KCNIP4: variants seen among roughly 807,000 people sequenced by gnomAD.
KCNIP4 encodes the protein potassium voltage-gated channel interacting protein 4, also known as Kv channel-interacting protein 4.
KCNIP4 carries 12 observed loss-of-function variants against 34.0 expected under a neutral mutation model. The observed-to-expected ratio is 0.35, with a 90% CI of 0.23 to 0.57. The LOEUF is 0.57. Among genes scored for constraint, KCNIP4 ranks in the 20% least tolerant of loss-of-function variants. The pLI is 0.83. For missense variants in KCNIP4, 238 were observed against 311.7 expected, an observed-to-expected ratio of 0.76 and a Z score of 1.78; for synonymous variants, 124 against 102.2, an observed-to-expected ratio of 1.21 and a Z score of -1.29.
intron 1 of KCNIP4, among the ~76,000 whole-genome samples, chr4:20,951,968 T>C (rs997646612): frequency 1.3e-5 from 2 of 152,198 alleles, no homozygotes; most frequent in African/African-American, 2.4e-5. Context: ...AATAATAATA[T>C]ACGCTTTGCT....
In KCNIP4 at chr4:21,012,018, G is replaced by T. The variant is rs373603999; in HGVS notation, c.62-129309C>A. Among the ~76,000 whole-genome samples the T allele has an allele frequency of 1.9e-3, 287 of 152,300 alleles. 6 individuals carry two copies. In the South Asian group the frequency reaches 0.053, roughly 28 times the overall value. Reference sequence around the variant, plus strand: ...GAGTCTTTCACAAAGAGAAACAAAAGCATGATAAGAATGTGCTAAGCTAAT... The same window carrying T: ...GAGTCTTTCACAAAGAGAAACAAAATCATGATAAGAATGTGCTAAGCTAAT... On this transcript the variant is annotated intron_variant, in intron 1 of 8. Coordinates refer to ENST00000382152, the MANE Select transcript of KCNIP4 (RefSeq NM_025221.6).
At chr4:21,315,430 C>T (rs12504236) in intron 1 of KCNIP4, 5,670 of 152,206 alleles carry the variant, frequency 0.037, 211 homozygotes, top group South Asian at 0.13. Context: ...ACATATACAA[C>T]GCATGTGTTA....
intron 1 of KCNIP4, among the ~76,000 whole-genome samples, chr4:21,027,078 G>A (rs915785463): frequency 3.9e-5 from 6 of 152,222 alleles, no homozygotes; most frequent in African/African-American, 1.4e-4. Context: ...AATATCAACA[G>A]TGGGTGTGGA....
chr4:21,069,947 C>T (rs2108993604), intron 1 of KCNIP4, among the ~76,000 whole-genome samples: 1 of 152,194 alleles, frequency 6.6e-6, no homozygotes, highest in African/African-American at 2.4e-5. Context: ...AATATTCTAT[C>T]ACCACAAAGA....
In KCNIP4 at chr4:21,610,530, G is replaced by A. The variant is rs560774010; in HGVS notation, c.61+338041C>T. Among the ~76,000 whole-genome samples the A allele has an allele frequency of 2.6e-5, 4 of 152,148 alleles. No individual in the cohort carries two copies. The South Asian group carries it at 6.2e-4, about 24-fold the overall frequency. ...TATTATAATCTTTCTTTTTGTGAGG[G>A]AGGATGACACAATTTAGCCCATAAC... On this transcript the variant is annotated intron_variant, in intron 1 of 8. Coordinates refer to ENST00000382152, the MANE Select transcript of KCNIP4 (RefSeq NM_025221.6).
At chr4:20,848,880 T>C (rs1026797930) in intron 3 of KCNIP4, among the ~76,000 whole-genome samples, 1 of 152,216 alleles carries the variant, frequency 6.6e-6, no homozygotes, top group African/African-American at 2.4e-5. Flanking sequence ...TGAACACATT[T>C]GAAGTTTTAT....
intron 1 of KCNIP4, among the ~76,000 whole-genome samples, chr4:21,382,844 TTTA>T (rs1461722548): frequency 2.0e-5 from 3 of 152,204 alleles, no homozygotes; most frequent in Admixed American, 2.0e-4. Flanking sequence ...TTAGCACATA[TTTA>T]TTGAGTGCCC....
At chr4:21,737,263 C>T (rs1007966682) in intron 1 of KCNIP4, among the ~76,000 whole-genome samples, 2 of 152,068 alleles carry the variant, frequency 1.3e-5, no homozygotes, top group Non-Finnish European at 2.9e-5. Flanking sequence ...TCAAACCGTG[C>T]CTGAGAAATA....
chr4:21,604,104 TAGAG>T (rs1055903469), intron 1 of KCNIP4, among the ~76,000 whole-genome samples: 11 of 152,292 alleles, frequency 7.2e-5, no homozygotes, highest in African/African-American at 2.6e-4. Context: ...TTGATTAAGT[TAGAG>T]AGTTACCTCA....
chr4:21,124,858 T>G (rs894355180), intron 1 of KCNIP4, among the ~76,000 whole-genome samples: 1 of 152,114 alleles, frequency 6.6e-6, no homozygotes, highest in Admixed American at 6.6e-5. Context: ...CTCATCTACA[T>G]GATCTCAACT....
chr4:20,743,242 C>T (rs1372881031), intron 5 of KCNIP4, among the ~76,000 whole-genome samples: 1 of 152,274 alleles, frequency 6.6e-6, no homozygotes, highest in East Asian at 1.9e-4. Flanking sequence ...CTACCAATGA[C>T]TTTCTTCACA....
intron 1 of KCNIP4, among the ~76,000 whole-genome samples, chr4:21,556,090 C>T (rs1738980686): frequency 1.3e-5 from 2 of 152,130 alleles, no homozygotes; most frequent in Admixed American, 1.3e-4. Flanking sequence ...GTAAAGCCAA[C>T]AGCCTTTCGA....
intron 1 of KCNIP4, among the ~76,000 whole-genome samples, chr4:21,725,281 T>C (rs542021154): frequency 6.6e-6 from 1 of 152,290 alleles, no homozygotes; most frequent in South Asian, 2.1e-4. Flanking sequence ...AGACTTCCTG[T>C]CACAACATTC....
chr4:21,146,256 G>A (rs1752339003), intron 1 of KCNIP4, among the ~76,000 whole-genome samples: 1 of 152,104 alleles, frequency 6.6e-6, no homozygotes, highest in African/African-American at 2.4e-5. Context: ...AAATTAGCCA[G>A]GCGTGGTGGC....
chr4:21,038,302 G>A (rs1248706578), intron 1 of KCNIP4, among the ~76,000 whole-genome samples: 1 of 152,108 alleles, frequency 6.6e-6, no homozygotes, highest in Admixed American at 6.6e-5. Flanking sequence ...CTTCCACAAT[G>A]AAATATTATT....
chr4:20,977,773 T>C (rs1735629968), intron 1 of KCNIP4, among the ~76,000 whole-genome samples: 1 of 152,224 alleles, frequency 6.6e-6, no homozygotes, highest in Non-Finnish European at 1.5e-5. Flanking sequence ...TTCTAGTCTC[T>C]ACCTGTCAAA....
intron 1 of KCNIP4, among the ~76,000 whole-genome samples, chr4:21,327,403 G>A (rs940148575): frequency 5.9e-5 from 9 of 152,092 alleles, no homozygotes; most frequent in Non-Finnish European, 1.3e-4. Context: ...CCACTGAGAA[G>A]TCTGATGCCA....
At chr4:21,575,039 T>C (rs1472257817) in intron 1 of KCNIP4, among the ~76,000 whole-genome samples, 1 of 152,204 alleles carries the variant, frequency 6.6e-6, no homozygotes, top group Non-Finnish European at 1.5e-5. Flanking sequence ...TTTTAAAAGT[T>C]TGTCAACATA....
At chr4:21,325,889 ATGTGTT>A (rs1209853258) in intron 1 of KCNIP4, among the ~76,000 whole-genome samples, 1 of 151,718 alleles carries the variant, frequency 6.6e-6, no homozygotes, top group African/African-American at 2.4e-5. Context: ...TTTAATTTCT[ATGTGTT>A]TGTATAGTTT....
Sources: allele counts gnomAD v4.1 joint callset (sites outside exome capture counted in the v4.1 genomes callset), GRCh38; gene constraint gnomAD v4.1.1; transcripts MANE v1.5; gene names NCBI Gene and HGNC (gene_info 2026-07-23, HGNC 2026-07-21).